Variants in DMD observed in about 807,000 individuals in gnomAD.
DMD encodes the protein dystrophin, also known as mutant dystrophin.
Under a neutral mutation model 330.1 loss-of-function variants are expected in DMD, and 63 were observed. The observed-to-expected ratio is 0.19, with a 90% CI of 0.16 to 0.24. The LOEUF is 0.24. DMD is among the 10% of genes least tolerant of loss of function. The pLI is 1.00. For synonymous variants in DMD, 1,223 were observed against 959.8 expected, an observed-to-expected ratio of 1.27 and a Z score of -5.07; for missense variants, 3,344 against 2,684.1, an observed-to-expected ratio of 1.25 and a Z score of -5.43.
chrX:32,403,650 T>C (rs2098100103), intron 30 of DMD, among the ~76,000 whole-genome samples: 1 of 111,847 alleles, frequency 8.9e-6, no homozygotes, highest in Admixed American at 9.5e-5. Context: ...TAACAAGTTA[T>C]TCTTAAATGG....
In DMD at chrX:32,624,003, T is replaced by A. The variant is rs2058176878; in HGVS notation, c.1332-9550A>T. Among the ~76,000 whole-genome samples, 3 of 112,096 alleles carry A rather than the reference T, an allele frequency of 2.7e-5. No individual in the cohort carries two copies. The Admixed American group carries it at 2.9e-4, about 11-fold the overall frequency. On this transcript the variant is annotated intron_variant, in intron 11 of 78. Coordinates refer to ENST00000357033, the MANE Select transcript of DMD (RefSeq NM_004006.3). ...ATTTCTGATATTTCAATTTCTTTGT[T>A]GATGAAAATGGCTTCATATAGTTCA...
intron 44 of DMD, among the ~76,000 whole-genome samples, chrX:32,173,066 G>GGTGTGTGTGTGTGTGTGTGT (rs3040089): frequency 7.8e-5 from 7 of 89,609 alleles, no homozygotes; most frequent in African/African-American, 1.7e-4. Flanking sequence ...ACCTGATTTT[G>GGTGTGTGTGTGTGTGTGTGT]GTGTGTGTGT....
At chrX:31,188,099 G>C (rs1276793625) in intron 67 of DMD, among the ~76,000 whole-genome samples, 1 of 112,150 alleles carries the variant, frequency 8.9e-6, no homozygotes, top group African/African-American at 3.2e-5. Context: ...TAAGATGCAA[G>C]ATCCATCATG....
At chrX:32,489,661 C>G (rs2042809335) in intron 20 of DMD, among the ~76,000 whole-genome samples, 2 of 111,479 alleles carry the variant, frequency 1.8e-5, no homozygotes, top group Admixed American at 9.5e-5. Flanking sequence ...GATTAATACA[C>G]TCAGTAGCAT....
intron 7 of DMD, among the ~76,000 whole-genome samples, chrX:32,717,367 G>A (rs939784883): frequency 9.0e-6 from 1 of 111,393 alleles, no homozygotes; most frequent in Non-Finnish European, 1.9e-5. Flanking sequence ...CCCCAGATGT[G>A]TCTTGGGGTG....
chrX:33,007,600 C>A (rs770959845), intron 2 of DMD, among the ~76,000 whole-genome samples: 1 of 111,346 alleles, frequency 9.0e-6, no homozygotes, highest in South Asian at 3.8e-4. Flanking sequence ...ATATAGAGAA[C>A]GTCAGATAGT....
chrX:33,008,982 G>A (rs1224777436), intron 2 of DMD, among the ~76,000 whole-genome samples: 6 of 92,784 alleles, frequency 6.5e-5, no homozygotes, highest in African/African-American at 2.3e-4. Flanking sequence ...ATACACTTAT[G>A]TATATATACG....
At chrX:33,286,314 C>A (rs1237192306) in intron 1 of DMD, among the ~76,000 whole-genome samples, 2 of 111,460 alleles carry the variant, frequency 1.8e-5, no homozygotes, top group Non-Finnish European at 1.9e-5. Context: ...TTGGCTGATA[C>A]AAATACATCC....
intron 7 of DMD, among the ~76,000 whole-genome samples, chrX:32,704,131 T>C (rs2064382185): frequency 1.8e-5 from 2 of 111,736 alleles, no homozygotes; most frequent in Non-Finnish European, 3.8e-5. Context: ...TAGCGAAATT[T>C]GATCATTTTT....
chrX:32,538,845 A>T (rs921264041), intron 17 of DMD, among the ~76,000 whole-genome samples: 12 of 111,055 alleles, frequency 1.1e-4, no homozygotes, highest in Non-Finnish European at 2.3e-4. Context: ...CTCAAATTTT[A>T]TGGTGTATAA....
At chrX:31,884,540 G>C (rs923875205) in intron 47 of DMD, among the ~76,000 whole-genome samples, 3 of 111,673 alleles carry the variant, frequency 2.7e-5, no homozygotes, top group African/African-American at 6.5e-5. Context: ...ATTTCAGTTT[G>C]ACAGGAGGAA....
At chrX:31,448,025 A>G (rs2065418744) in intron 59 of DMD, among the ~76,000 whole-genome samples, 2 of 109,009 alleles carry the variant, frequency 1.8e-5, no homozygotes, top group South Asian at 4.0e-4. Flanking sequence ...AAAAAAAAAA[A>G]AAAAAAAAGA....
At chrX:31,991,775 A>AG (rs1306378588) in intron 44 of DMD, among the ~76,000 whole-genome samples, 2 of 109,829 alleles carry the variant, frequency 1.8e-5, no homozygotes, top group Non-Finnish European at 3.8e-5. Flanking sequence ...AAAAAAAAAA[A>AG]AGGAAGGGGA....
intron 2 of DMD, among the ~76,000 whole-genome samples, chrX:32,869,050 C>G (rs2082743713): frequency 9.0e-6 from 1 of 111,621 alleles, no homozygotes; most frequent in Non-Finnish European, 1.9e-5. Flanking sequence ...GAGGAAGGAG[C>G]AGGCAGCCAT....
At position 31,325,194 on chromosome X, in the gene DMD, C is replaced by T. The variant is rs1457334961; in HGVS notation, c.9164-1536G>A. ...CTCCTGCCTTCCCTGCTTCCCTTTC[C>T]ATCTTTGCCTTTCTCATTCTCTTCC... is the stretch of plus-strand genomic sequence containing the variant. On this transcript the variant is annotated intron_variant, in intron 61 of 78. Coordinates refer to ENST00000357033, the MANE Select transcript of DMD (RefSeq NM_004006.3). 3.6e-5 allele frequency among the ~76,000 whole-genome samples: 4 copies of T among 110,997 alleles called. No homozygotes were observed. The East Asian group carries it at 1.1e-3, about 31-fold the overall frequency.
intron 45 of DMD, among the ~76,000 whole-genome samples, chrX:31,935,653 T>C (rs1374776501): frequency 9.0e-6 from 1 of 111,516 alleles, no homozygotes; most frequent in African/African-American, 3.3e-5. Flanking sequence ...GTGTTCTGAA[T>C]ACTTTTAGTT....
intron 1 of DMD, among the ~76,000 whole-genome samples, chrX:33,228,428 T>C (rs2052330527): frequency 9.2e-6 from 1 of 109,250 alleles, no homozygotes; most frequent in Admixed American, 9.9e-5. Flanking sequence ...CTTCAGGAAC[T>C]TGGAGAAGAG....
intron 43 of DMD, among the ~76,000 whole-genome samples, chrX:32,278,493 C>A: frequency 9.0e-6 from 1 of 111,032 alleles, no homozygotes; most frequent in Non-Finnish European, 1.9e-5. Context: ...TGACAAAGGG[C>A]TAATATCCAG....
At chrX:31,624,807 T>C (rs2078751247) in intron 55 of DMD, among the ~76,000 whole-genome samples, 1 of 112,232 alleles carries the variant, frequency 8.9e-6, no homozygotes, top group Non-Finnish European at 1.9e-5. Flanking sequence ...ATTTCACTTT[T>C]CTCCTACCTA....
Sources: allele counts gnomAD v4.1 joint callset (sites outside exome capture counted in the v4.1 genomes callset), GRCh38; gene constraint gnomAD v4.1.1; transcripts MANE v1.5; gene names NCBI Gene and HGNC (gene_info 2026-07-23, HGNC 2026-07-21).